Variants in ATP2B1 observed in about 807,000 individuals in gnomAD.
ATP2B1 encodes plasma membrane calcium-transporting ATPase 1.
In ATP2B1, 14 loss-of-function variants were observed where a neutral mutation model predicts 124.2. The ratio of observed to expected loss-of-function variants is 0.11; its 90% CI spans 0.07 to 0.18. The LOEUF (loss-of-function observed/expected upper bound fraction) is 0.18, where lower values mean the gene tolerates loss of function less well. Among genes scored for constraint, ATP2B1 ranks in the 10% least tolerant of loss-of-function variants. ATP2B1 has a pLI of 1.00. For synonymous variants in ATP2B1, 449 were observed against 492.4 expected, an observed-to-expected ratio of 0.91 and a Z score of 1.17; for missense variants, 763 against 1,466.1, an observed-to-expected ratio of 0.52 and a Z score of 7.83.
intron 1 of ATP2B1, among the ~76,000 whole-genome samples, chr12:89,682,925 A>G (rs938414097): frequency 6.6e-6 from 1 of 152,228 alleles, no homozygotes; most frequent in African/African-American, 2.4e-5. Flanking sequence ...AATATTACCA[A>G]TATCACAGAA....
At chr12:89,659,920 A>C (rs1314422779) in intron 1 of ATP2B1, among the ~76,000 whole-genome samples, 1 of 150,634 alleles carries the variant, frequency 6.6e-6, no homozygotes, top group African/African-American at 2.4e-5. Flanking sequence ...AGACTCAAAA[A>C]AAAAAAAAAA....
chr12:89,703,781 A>ATT (rs1892134392), intron 1 of ATP2B1, among the ~76,000 whole-genome samples: 1 of 152,178 alleles, frequency 6.6e-6, no homozygotes, highest in Non-Finnish European at 1.5e-5. Context: ...TGTCACAAAA[A>ATT]CCATCGACAT....
intron 3 of ATP2B1, among the ~76,000 whole-genome samples, chr12:89,641,254 GAT>G (rs1883456717): frequency 6.6e-6 from 1 of 152,082 alleles, no homozygotes; most frequent in African/African-American, 2.4e-5. Context: ...GAAAGGGAAA[GAT>G]AGGAGAAAAA....
chr12:89,624,505 T>C (rs1880506973), intron 8 of ATP2B1, 108 bp from the exon 9 acceptor site: 3 of 907,992 alleles, frequency 3.3e-6, no homozygotes, highest in Non-Finnish European at 1.6e-6. Flanking sequence ...CTTGATAGTA[T>C]TGAATTTCTC....
chr12:89,619,472 C>T (rs937959550), intron 11 of ATP2B1, among the ~76,000 whole-genome samples: 2 of 151,884 alleles, frequency 1.3e-5, no homozygotes, highest in Admixed American at 6.6e-5. Flanking sequence ...ATTAGCCAGG[C>T]GTGGTGGCAG....
intron 1 of ATP2B1, among the ~76,000 whole-genome samples, chr12:89,680,771 C>G (rs976514168): frequency 6.6e-6 from 1 of 151,974 alleles, no homozygotes; most frequent in Non-Finnish European, 1.5e-5. Flanking sequence ...CTAGAACAAT[C>G]TACTTCAAGA....
chr12:89,609,004 C>T (rs565963495), intron 15 of ATP2B1, among the ~76,000 whole-genome samples: 1 of 152,278 alleles, frequency 6.6e-6, no homozygotes, highest in African/African-American at 2.4e-5. Context: ...CTCTCTCACT[C>T]CTGTTGAAAG....
intron 1 of ATP2B1, among the ~76,000 whole-genome samples, chr12:89,682,368 GT>G (rs1217251702): frequency 6.6e-6 from 1 of 151,982 alleles, no homozygotes; most frequent in African/African-American, 2.4e-5. Flanking sequence ...TTTAGTTTTC[GT>G]TTAGGGGAAA....
chr12:89,670,371 ATT>A (rs11432601), intron 1 of ATP2B1, among the ~76,000 whole-genome samples: 84 of 147,486 alleles, frequency 5.7e-4, no homozygotes, highest in Admixed American at 5.3e-3. Context: ...ATAAAACCGA[ATT>A]TTTTTTTTTT....
intron 3 of ATP2B1, among the ~76,000 whole-genome samples, chr12:89,639,483 G>A (rs1305385061): frequency 2.0e-5 from 3 of 151,488 alleles, no homozygotes; most frequent in Non-Finnish European, 4.4e-5. Context: ...CAGCCTGGGC[G>A]ACACAGTGAG....
At chr12:89,689,892 T>C (rs1377884242) in intron 1 of ATP2B1, among the ~76,000 whole-genome samples, 1 of 152,132 alleles carries the variant, frequency 6.6e-6, no homozygotes, top group Non-Finnish European at 1.5e-5. Flanking sequence ...TGTAGGATAC[T>C]GTAAATACAG....
At chr12:89,619,791 C>CA (rs1430657553) in intron 11 of ATP2B1, among the ~76,000 whole-genome samples, 1 of 151,914 alleles carries the variant, frequency 6.6e-6, no homozygotes, top group Non-Finnish European at 1.5e-5. Context: ...TTCCCTATAA[C>CA]AAAATGCTAA....
At chr12:89,659,357 AACACACACAC>A (rs10648843) in intron 1 of ATP2B1, among the ~76,000 whole-genome samples, 3 of 149,240 alleles carry the variant, frequency 2.0e-5, no homozygotes, top group African/African-American at 4.9e-5. Flanking sequence ...GGTATTACAA[AACACACACAC>A]ACACACACAC....
At chr12:89,655,046 T>A (rs1000641559) in intron 2 of ATP2B1, among the ~76,000 whole-genome samples, 9 of 152,214 alleles carry the variant, frequency 5.9e-5, no homozygotes, top group African/African-American at 2.2e-4. Flanking sequence ...AATTCTCCTT[T>A]TTGATTCTCA....
chr12:89,638,980 C>T (rs1883105498), intron 3 of ATP2B1, among the ~76,000 whole-genome samples: 1 of 151,894 alleles, frequency 6.6e-6, no homozygotes, highest in Non-Finnish European at 1.5e-5. Flanking sequence ...GTCTCGAGAC[C>T]AAAAAGTTTG....
chr12:89,698,815 C>T (rs1324542131), intron 1 of ATP2B1, among the ~76,000 whole-genome samples: 1 of 152,108 alleles, frequency 6.6e-6, no homozygotes, highest in Non-Finnish European at 1.5e-5. Context: ...TTAGATAAGA[C>T]ACTTCTATTC....
intron 1 of ATP2B1, among the ~76,000 whole-genome samples, chr12:89,674,178 TATCAATCA>T (rs1279323067): frequency 2.0e-5 from 3 of 151,984 alleles, no homozygotes; most frequent in East Asian, 1.9e-4. Context: ...TTGAAGGAGG[TATCAATCA>T]ATCAATCAAT....
At chr12:89,688,129 C>A (rs1037583039) in intron 1 of ATP2B1, among the ~76,000 whole-genome samples, 8 of 152,032 alleles carry the variant, frequency 5.3e-5, no homozygotes, top group African/African-American at 1.9e-4. Context: ...CACACCAAGG[C>A]TCTCAGCAGG....
intron 1 of ATP2B1, among the ~76,000 whole-genome samples, chr12:89,702,883 T>C (rs1892017835): frequency 6.6e-6 from 1 of 152,154 alleles, no homozygotes; most frequent in African/African-American, 2.4e-5. Context: ...TTGGAATAGC[T>C]GACACTGTCC....
Sources: gnomAD v4.1 joint callset for allele counts (sites outside exome capture counted in the v4.1 genomes callset) on GRCh38, gnomAD v4.1.1 for gene constraint, MANE v1.5 for transcripts, NCBI Gene and HGNC (gene_info 2026-07-23, HGNC 2026-07-21) for gene names.